Variants in EDNRA observed in about 807,000 individuals in gnomAD.
EDNRA encodes the protein endothelin-1 receptor.
A neutral mutation model predicts 41.4 loss-of-function variants in EDNRA; 11 were observed. The observed-to-expected ratio is 0.27, with a 90% CI of 0.17 to 0.44. The LOEUF is 0.44. Ranked by LOEUF, EDNRA falls within the 20% of genes least tolerant of loss-of-function variation. EDNRA has a pLI of 1.00. For missense variants in EDNRA, 294 were observed against 531.0 expected, an observed-to-expected ratio of 0.55 and a Z score of 4.39; for synonymous variants, 172 against 183.0, an observed-to-expected ratio of 0.94 and a Z score of 0.49.
intron 2 of EDNRA, chr4:147,492,369 A>T (rs941206533): frequency 1.3e-5 from 2 of 152,140 alleles, no homozygotes; most frequent in Non-Finnish European, 2.9e-5. Flanking sequence ...CAGATCTACA[A>T]GCAGACCTGC....
chr4:147,535,743 T>C, intron 4 of EDNRA, 134 bp from the exon 5 acceptor site: 1 of 1,110,810 alleles, frequency 9.0e-7, no homozygotes, highest in Non-Finnish European at 1.3e-6. Flanking sequence ...CCCAAACCCA[T>C]CACTGCAACC....
chr4:147,497,388 T>C (rs956486046), intron 2 of EDNRA, among the ~76,000 whole-genome samples: 10 of 152,260 alleles, frequency 6.6e-5, no homozygotes, highest in Admixed American at 5.2e-4. Flanking sequence ...CAAGAAAATC[T>C]GTTATCTGCC....
Position 147,542,600 on chromosome 4 carries a change from T to TA in EDNRA, c.1268dup (p.Asp424GlyfsTer40). The TA allele has an allele frequency of 6.2e-7, 1 of 1,613,978 alleles. No individual in the cohort carries two copies. The highest frequency in any genetic ancestry group is 1.1e-5 in the South Asian group (1 of 91,072). On this transcript the variant is annotated frameshift_variant, in exon 8 of 8. Transcript: ENST00000651419. LOFTEE classifies it high-confidence loss of function. ...ACCACAACACAGACCGGAGCAGCCATAAGGACAGCATGAACTGACCACCCT... is the reference window on the plus strand; with the variant it reads ...ACCACAACACAGACCGGAGCAGCCATAAAGGACAGCATGAACTGACCACCCT...
Position 147,542,694 on chromosome 4 carries a change from G to A in EDNRA, c.*76G>A. On this transcript the variant is annotated 3_prime_UTR_variant, in exon 8 of 8. Coordinates refer to ENST00000651419, the MANE Select transcript of EDNRA (RefSeq NM_001957.4). ...AATCACAAGGCAACTGTGAGTCCGG[G>A]AATCTCTTCTCTGATCCTTCTTCCT... 3 of 1,546,198 alleles carry A rather than the reference G, an allele frequency of 1.9e-6. No individual in the cohort carries two copies. The highest frequency in any genetic ancestry group is 4.5e-5 in the East Asian group (2 of 43,958).
intron 2 of EDNRA, among the ~76,000 whole-genome samples, chr4:147,510,735 G>A (rs1295569972): frequency 6.6e-6 from 1 of 152,182 alleles, no homozygotes; most frequent in Non-Finnish European, 1.5e-5. Context: ...GCTTCAATAT[G>A]TGGGATTCTC....
rs1730229166 is a variant in EDNRA at position 147,519,275 on chromosome 4, C to T, written c.421-576C>T. Among the ~76,000 whole-genome samples, 1 of 152,170 alleles carries T rather than the reference C, an allele frequency of 6.6e-6. No individual in the cohort carries two copies. Among genetic ancestry groups the T allele is most frequent in the Non-Finnish European group, 1.5e-5 (1 of 68,020 alleles). On this transcript the variant is annotated intron_variant, in intron 2 of 7. Transcript: ENST00000651419. This position sits in a 1 kb window ranked among gnomAD's most constrained non-coding sequence, Gnocchi z 4.1. ...GCTGCCAAAATTAGTAGCTTCTACA[C>T]CACTTTGTTTTTTTCCAGTATTCTC...
At chr4:147,484,450 C>A (rs1435254741) in intron 1 of EDNRA, among the ~76,000 whole-genome samples, 1 of 152,136 alleles carries the variant, frequency 6.6e-6, no homozygotes, top group Non-Finnish European at 1.5e-5. Flanking sequence ...GACTGACCTG[C>A]CTTAGAATCG....
chr4:147,498,639 G>T (rs778859658), intron 2 of EDNRA, among the ~76,000 whole-genome samples: 9 of 152,162 alleles, frequency 5.9e-5, no homozygotes, highest in Admixed American at 2.0e-4. Context: ...GAAAAAGTTT[G>T]TCAAGCCTGG....
rs538283328 is a variant in EDNRA at position 147,490,153 on chromosome 4, ACAC to A, written c.420+4053_420+4055del. On this transcript the variant is annotated intron_variant, in intron 2 of 7. Coordinates refer to ENST00000651419, the MANE Select transcript of EDNRA (RefSeq NM_001957.4). Reference sequence around the variant, plus strand: ...AGCCCTTGCTTACATACACTCACACACACACACACACACACACACACACACACA... The same window carrying A: ...AGCCCTTGCTTACATACACTCACACAACACACACACACACACACACACACA... 131 of 58,600 alleles carry A rather than the reference ACAC, an allele frequency of 2.2e-3. 1 individual carries two copies. The highest frequency in any genetic ancestry group is 0.022 in the African/African-American group (117 of 5,314). 3.6% of individuals were successfully genotyped at this position (58,600 alleles called of 1,614,324 possible).
chr4:147,489,735 T>C (rs1257840466), intron 2 of EDNRA: 1 of 152,120 alleles, frequency 6.6e-6, no homozygotes, highest in Non-Finnish European at 1.5e-5. Flanking sequence ...AATTTCTTAA[T>C]TGATCTCCCT....
rs772676343 is a variant in EDNRA, at chr4:147,523,471, G to GTTTGTTT, written c.548+3495_548+3496insTGTTTTT. ...TTTTGTTGGGTGTTTGTTTTTTTTT[G>GTTTGTTT]TTGTTGTTGTTTTTTTGTTTTTTTT... On this transcript the variant is annotated intron_variant, in intron 3 of 7. Transcript: ENST00000651419. Among the ~76,000 whole-genome samples, 40 of 104,514 alleles carry GTTTGTTT rather than the reference G, an allele frequency of 3.8e-4. 3 individuals are homozygous for GTTTGTTT. Among genetic ancestry groups the GTTTGTTT allele is most frequent in the African/African-American group, 8.2e-4 (16 of 19,408 alleles). 68.6% of individuals were successfully genotyped at this position (104,514 alleles called of 152,430 possible).
Position 147,543,843 on chromosome 4 carries a change from G to A in EDNRA, c.*1225G>A, listed in dbSNP as rs1731196806. ...CAGAACTTACGATTCTTCACTTCTT[G>A]GGGTTTTCAGTATGAACCTAACTCC... On this transcript the variant is annotated 3_prime_UTR_variant, in exon 8 of 8. Coordinates refer to ENST00000651419, the MANE Select transcript of EDNRA (RefSeq NM_001957.4). 1 of 152,334 alleles carries A rather than the reference G, an allele frequency of 6.6e-6. No homozygotes were observed. The highest frequency in any genetic ancestry group is 2.1e-4 in the South Asian group (1 of 4,816). The allele number at this position is 152,334 out of a possible 1,614,324, so 9.4% of individuals were successfully genotyped here.
intron 6 of EDNRA, 87 bp downstream of exon 6, chr4:147,540,037 C>A (rs1731046044): frequency 3.4e-6 from 5 of 1,489,616 alleles, no homozygotes; most frequent in East Asian, 2.3e-5. Flanking sequence ...ACTCTACATG[C>A]CCGTTAGCCC....
intron 2 of EDNRA, among the ~76,000 whole-genome samples, chr4:147,518,365 A>G (rs1029656244): frequency 6.6e-6 from 1 of 152,226 alleles, no homozygotes; most frequent in Non-Finnish European, 1.5e-5. Context: ...TCCTTGGACA[A>G]AAGTTTATGA....
intron 2 of EDNRA, among the ~76,000 whole-genome samples, chr4:147,497,611 G>A (rs866634794): frequency 2.6e-5 from 4 of 151,240 alleles, no homozygotes; most frequent in Non-Finnish European, 5.9e-5. Flanking sequence ...TCGCTCTGTC[G>A]CCCAGGCTGG....
At chr4:147,515,654 G>T (rs1481742147) in intron 2 of EDNRA, among the ~76,000 whole-genome samples, 2 of 152,120 alleles carry the variant, frequency 1.3e-5, no homozygotes, top group Non-Finnish European at 2.9e-5. Context: ...GAGCTTTAGG[G>T]CATAAATTTC....
chr4:147,483,450 A>G (rs947795251), intron 1 of EDNRA, among the ~76,000 whole-genome samples: 1 of 152,218 alleles, frequency 6.6e-6, no homozygotes, highest in Non-Finnish European at 1.5e-5. Flanking sequence ...TAACAGATAC[A>G]TATATAATAA....
intron 2 of EDNRA, among the ~76,000 whole-genome samples, chr4:147,508,330 G>T (rs1729798310): frequency 1.3e-5 from 2 of 152,022 alleles, no homozygotes; most frequent in Non-Finnish European, 2.9e-5. Flanking sequence ...GTAGAAACGG[G>T]GTTTCGCCAT....
At position 147,484,402 on chromosome 4, in the gene EDNRA, AG is replaced by A. The variant is rs1196284297; in HGVS notation, c.-70-1208del. On this transcript the variant is annotated intron_variant, in intron 1 of 7. Coordinates refer to ENST00000651419, the MANE Select transcript of EDNRA (RefSeq NM_001957.4). ...CAAATAAAGCACAAGAATGAGAGAC[AG>A]GATGGTTTAGTGGTTAACAGCTCCG... Among the ~76,000 whole-genome samples the A allele has an allele frequency of 2.0e-5, 3 of 152,364 alleles. No individual in the cohort carries two copies. In the East Asian group the frequency reaches 5.8e-4, roughly 29 times the overall value.
Sources: allele counts gnomAD v4.1 joint callset (sites outside exome capture counted in the v4.1 genomes callset), GRCh38; gene constraint gnomAD v4.1.1; non-coding constraint Gnocchi (gnomAD v3.1); transcripts MANE v1.5; gene names NCBI Gene and HGNC (gene_info 2026-07-23, HGNC 2026-07-21).